The following PLEKHM3 variants were observed in gnomAD, a reference collection of about 807,000 sequenced individuals.
The protein encoded by PLEKHM3 is pleckstrin homology domain containing M3.
PLEKHM3 carries 45 observed loss-of-function variants against 81.8 expected under a neutral mutation model. The observed-to-expected ratio is 0.55, with a 90% CI of 0.43 to 0.71. PLEKHM3 has a LOEUF of 0.71. PLEKHM3 is among the 30% of genes least tolerant of loss of function. The pLI is 0.00. For missense variants in PLEKHM3, 788 were observed against 924.3 expected, an observed-to-expected ratio of 0.85 and a Z score of 1.91; for synonymous variants, 352 against 356.4, an observed-to-expected ratio of 0.99 and a Z score of 0.14.
intron 6 of PLEKHM3, among the ~76,000 whole-genome samples, chr2:207,899,384 G>A (rs565631969): frequency 1.3e-5 from 2 of 152,264 alleles, no homozygotes; most frequent in Admixed American, 1.3e-4. Flanking sequence ...CAAGTTCCTG[G>A]CACACAGACA....
chr2:207,994,872 G>A lies in PLEKHM3; in HGVS notation c.610+6158C>T, dbSNP rs1219495309. On this transcript the variant is annotated intron_variant, in intron 2 of 7. Coordinates refer to ENST00000427836, the MANE Select transcript of PLEKHM3 (RefSeq NM_001080475.3). ...GTGGCAACCTTCATCCACTAGCACA[G>A]CCGACATTCCTTCTTAAGAAGACAG... is the stretch of plus-strand genomic sequence containing the variant. Among the ~76,000 whole-genome samples the A allele has an allele frequency of 2.0e-5, 3 of 152,132 alleles. No individual in the cohort carries two copies. The East Asian group carries it at 5.8e-4, about 29-fold the overall frequency.
At chr2:207,979,429 G>A (rs928784765) in intron 2 of PLEKHM3, among the ~76,000 whole-genome samples, 9 of 152,062 alleles carry the variant, frequency 5.9e-5, no homozygotes, top group African/African-American at 2.2e-4. Flanking sequence ...AGCTACTTGG[G>A]AGGCTGAGGC....
chr2:207,951,167 T>A lies in PLEKHM3; in HGVS notation c.1547-4655A>T, dbSNP rs905251538. 3.9e-4 allele frequency among the ~76,000 whole-genome samples: 60 copies of A among 152,228 alleles called. 1 individual carries two copies. The highest frequency in any genetic ancestry group is 5.9e-5 in the Non-Finnish European group (4 of 68,034). On this transcript the variant is annotated intron_variant, in intron 3 of 7. Transcript: ENST00000427836. ...AATCTGGGATTTTACTTTATCATTG[T>A]GGGGTTTTTAACAGGGAAAATTTTT...
At chr2:207,967,303 G>A (rs1305751414) in intron 3 of PLEKHM3, among the ~76,000 whole-genome samples, 2 of 152,136 alleles carry the variant, frequency 1.3e-5, no homozygotes, top group African/African-American at 4.8e-5. Flanking sequence ...CTTGTAAATG[G>A]TTTTCATGTA....
intron 1 of PLEKHM3, among the ~76,000 whole-genome samples, chr2:208,012,034 C>T (rs1483785232): frequency 6.6e-6 from 1 of 150,870 alleles, no homozygotes; most frequent in Non-Finnish European, 1.5e-5. Flanking sequence ...TGATAAACTT[C>T]TTTATTTTAT....
chr2:207,917,402 T>C (rs1370401178), intron 5 of PLEKHM3, among the ~76,000 whole-genome samples: 8 of 152,260 alleles, frequency 5.3e-5, no homozygotes, highest in African/African-American at 1.9e-4. Flanking sequence ...TTAGTGCTAA[T>C]ATTTTTGCTA....
chr2:207,893,134 C>G (rs1023929), intron 6 of PLEKHM3, among the ~76,000 whole-genome samples: 96,240 of 152,072 alleles, frequency 0.63, 31,397 homozygotes, highest in African/African-American at 0.76. Context: ...ACAAAAAAAG[C>G]GTTGTTATCT....
chr2:207,945,185 G>A (rs1178443879), intron 4 of PLEKHM3, among the ~76,000 whole-genome samples: 6 of 152,050 alleles, frequency 3.9e-5, no homozygotes, highest in African/African-American at 9.7e-5. Flanking sequence ...CTTTCTTCAC[G>A]TGGCTTGTCA....
At chr2:207,870,801 C>T (rs1487484688) in intron 6 of PLEKHM3, among the ~76,000 whole-genome samples, 2 of 152,152 alleles carry the variant, frequency 1.3e-5, no homozygotes, top group African/African-American at 4.8e-5. Context: ...ACTCATCAAT[C>T]CTTAAAAATA....
chr2:207,936,082 A>G (rs1689740316), intron 4 of PLEKHM3, among the ~76,000 whole-genome samples: 1 of 152,214 alleles, frequency 6.6e-6, no homozygotes, highest in Non-Finnish European at 1.5e-5. Flanking sequence ...TTCTGAGCTC[A>G]AGGGATCCTC....
At chr2:208,013,345 A>ATTTATAT (rs1457690051) in intron 1 of PLEKHM3, among the ~76,000 whole-genome samples, 1 of 151,576 alleles carries the variant, frequency 6.6e-6, no homozygotes, top group Admixed American at 6.6e-5. Context: ...GCGAAACCCC[A>ATTTATAT]TCTCTACTAA....
chr2:207,895,825 AT>A (rs147770767), intron 6 of PLEKHM3, among the ~76,000 whole-genome samples: 3,176 of 152,334 alleles, frequency 0.021, 104 homozygotes, highest in African/African-American at 0.072. Flanking sequence ...TAAGACAACA[AT>A]TTGTCTTTAA....
intron 7 of PLEKHM3, among the ~76,000 whole-genome samples, chr2:207,841,854 C>T (rs2092356087): frequency 6.6e-6 from 1 of 152,024 alleles, no homozygotes; most frequent in African/African-American, 2.4e-5. Flanking sequence ...AACAGTCTCC[C>T]TTCATGTACA....
chr2:207,864,660 GT>G (rs770592847), intron 6 of PLEKHM3, among the ~76,000 whole-genome samples: 26 of 152,156 alleles, frequency 1.7e-4, no homozygotes, highest in Non-Finnish European at 3.4e-4. Flanking sequence ...TGTGCATAAA[GT>G]TTTTTCTCTA....
At chr2:208,010,965 T>C (rs900483214) in intron 1 of PLEKHM3, among the ~76,000 whole-genome samples, 1 of 146,792 alleles carries the variant, frequency 6.8e-6, no homozygotes, top group African/African-American at 2.5e-5. Flanking sequence ...AAATGGCCAA[T>C]ACATATATGA....
intron 4 of PLEKHM3, among the ~76,000 whole-genome samples, chr2:207,941,777 A>G (rs1338944400): frequency 6.6e-6 from 1 of 152,236 alleles, no homozygotes; most frequent in African/African-American, 2.4e-5. Context: ...GTAGCAACAA[A>G]AATAAATCTT....
intron 2 of PLEKHM3, among the ~76,000 whole-genome samples, chr2:207,982,292 C>T (rs1016659334): frequency 1.4e-5 from 2 of 143,952 alleles, no homozygotes; most frequent in African/African-American, 2.6e-5. Flanking sequence ...TTTCTCAAGA[C>T]GGGGTCTCAC....
At chr2:207,968,361 T>C (rs1042283944) in intron 3 of PLEKHM3, among the ~76,000 whole-genome samples, 3 of 152,090 alleles carry the variant, frequency 2.0e-5, no homozygotes, top group East Asian at 1.9e-4. Context: ...CTGTGGGAAC[T>C]AACGACAAAG....
chr2:208,002,653 T>C (rs1236564903), intron 1 of PLEKHM3, among the ~76,000 whole-genome samples: 1 of 152,184 alleles, frequency 6.6e-6, no homozygotes. Flanking sequence ...CATCCTTTTC[T>C]GTCTACAGAA....
Sources: allele counts gnomAD v4.1 joint callset (sites outside exome capture counted in the v4.1 genomes callset), GRCh38; gene constraint gnomAD v4.1.1; transcripts MANE v1.5; gene names NCBI Gene and HGNC (gene_info 2026-07-23, HGNC 2026-07-21).